The following CIZ1 variants were observed in gnomAD, a reference collection of about 807,000 sequenced individuals.
CIZ1 encodes the protein cip1-interacting zinc finger protein.
Under a neutral mutation model 118.6 loss-of-function variants are expected in CIZ1, and 58 were observed. The observed-to-expected ratio is 0.49, with a 90% CI of 0.40 to 0.61. The LOEUF is 0.61. Ranked by LOEUF, CIZ1 falls within the 20% of genes least tolerant of loss-of-function variation. CIZ1 has a pLI of 0.00. For synonymous variants in CIZ1, 448 were observed against 443.4 expected (o/e 1.01, Z -0.13); for missense variants, 921 against 1,115.9 (o/e 0.83, Z 2.49).
rs1302663753 is a variant in CIZ1, at chr9:128,191,441, C to G, written c.-15G>C. ...GCCCCCGGCCCCGCACCTCGCCTCCCCGCGCGCCCTCAACGCTCAAGTCGC... is the reference window on the plus strand; with the variant it reads ...GCCCCCGGCCCCGCACCTCGCCTCCGCGCGCGCCCTCAACGCTCAAGTCGC... On this transcript the variant is annotated 5_prime_UTR_variant, in exon 1 of 17. Coordinates refer to ENST00000372938, the MANE Select transcript of CIZ1 (RefSeq NM_001131016.2). The surrounding 1 kb of genome is among the most constrained non-coding windows in gnomAD (Gnocchi z 5.5). The G allele has an allele frequency of 4.1e-6, 4 of 972,300 alleles. No homozygotes were observed. The African/African-American group carries it at 7.0e-5, about 17-fold the overall frequency. The allele number at this position is 972,300 out of a possible 1,614,324, so 60.2% of individuals were successfully genotyped here.
At chr9:128,190,964 T>G (rs1220440590) in intron 1 of CIZ1, 102 bp from the exon 2 acceptor site, 15 of 1,430,710 alleles carry the variant, frequency 1.0e-5, no homozygotes, top group South Asian at 1.4e-5. Context: ...CCGCAGAGAC[T>G]GCTGAGGAGC....
intron 1 of CIZ1, among the ~76,000 whole-genome samples, chr9:128,200,527 G>A (rs976518823): frequency 5.3e-5 from 8 of 151,084 alleles, no homozygotes; most frequent in African/African-American, 1.2e-4. Flanking sequence ...GCACAGTGGC[G>A]AGCACCTGTA....
At position 128,166,650 on chromosome 9, in the gene CIZ1, T is replaced by C; in HGVS notation, c.2487+109A>G. On this transcript the variant is annotated intron_variant, in intron 16 of 16. Coordinates refer to ENST00000372938, the MANE Select transcript of CIZ1 (RefSeq NM_001131016.2). The surrounding 1 kb of genome is among the most constrained non-coding windows in gnomAD (Gnocchi z 4.4). ...TCCCTGTTGGTGCAGGGGTGGTGCC[T>C]GGGGATTGAGGCCCTGCACAAGAGG... is the stretch of plus-strand genomic sequence containing the variant. 7.2e-7 allele frequency: 1 copy of C among 1,396,928 alleles called. No individual in the cohort carries two copies. The highest frequency in any genetic ancestry group is 1.0e-6 in the Non-Finnish European group (1 of 995,072). 86.5% of individuals were successfully genotyped at this position (1,396,928 alleles called of 1,614,324 possible).
intron 1 of CIZ1, among the ~76,000 whole-genome samples, chr9:128,198,568 T>C (rs1289526054): frequency 6.6e-6 from 1 of 152,186 alleles, no homozygotes; most frequent in Non-Finnish European, 1.5e-5. Context: ...GCACGGTGGC[T>C]CATGCCTGTA....
At chr9:128,196,277 G>A (rs143710384), upstream of CIZ1, among the ~76,000 whole-genome samples, 110 of 152,266 alleles carry the variant, frequency 7.2e-4, 1 homozygote, top group East Asian at 0.017. Flanking sequence ...GCCAGGTGTT[G>A]TGACTCACAC....
intron 14 of CIZ1, among the ~76,000 whole-genome samples, chr9:128,167,940 C>G (rs952638410): frequency 6.6e-6 from 1 of 152,212 alleles, no homozygotes; most frequent in Non-Finnish European, 1.5e-5. Flanking sequence ...TCAGAGAGGC[C>G]AAGTGGCTTG....
intron 11 of CIZ1, among the ~76,000 whole-genome samples, chr9:128,171,223 G>C (rs994333765): frequency 5.9e-5 from 9 of 151,272 alleles, no homozygotes; most frequent in Admixed American, 3.9e-4. Context: ...CTTGAGCCTA[G>C]AAGTCCAAGA....
At chr9:128,168,076 T>C (rs1829658519) in intron 14 of CIZ1, among the ~76,000 whole-genome samples, 1 of 151,980 alleles carries the variant, frequency 6.6e-6, no homozygotes, top group Non-Finnish European at 1.5e-5. Flanking sequence ...TGCCAGAGGC[T>C]ATGAGCAGCC....
At chr9:128,184,136 T>G (rs1832046477) in intron 5 of CIZ1, among the ~76,000 whole-genome samples, 1 of 152,208 alleles carries the variant, frequency 6.6e-6, no homozygotes, top group Non-Finnish European at 1.5e-5. Flanking sequence ...TGATATGATG[T>G]TTCCTTTCCA....
chr9:128,168,050 A>C (rs1829652957), intron 14 of CIZ1, among the ~76,000 whole-genome samples: 1 of 151,804 alleles, frequency 6.6e-6, no homozygotes, highest in African/African-American at 2.4e-5. Flanking sequence ...CCAGCCCCTC[A>C]ATACCCCACT....
At chr9:128,179,872 A>G (rs892237295) in intron 7 of CIZ1, among the ~76,000 whole-genome samples, 2 of 150,558 alleles carry the variant, frequency 1.3e-5, no homozygotes, top group Non-Finnish European at 3.0e-5. Flanking sequence ...GGGTTTCTCC[A>G]TGTTGGTCAG....
At chr9:128,193,017 A>G (rs369584407), upstream of CIZ1, among the ~76,000 whole-genome samples, 1 of 152,220 alleles carries the variant, frequency 6.6e-6, no homozygotes, top group Admixed American at 6.5e-5. Context: ...CTCGGGCAGC[A>G]GAATTCGCGC....
intron 11 of CIZ1, among the ~76,000 whole-genome samples, chr9:128,175,120 T>C (rs1830698618): frequency 6.6e-6 from 1 of 152,234 alleles, no homozygotes; most frequent in Admixed American, 6.5e-5. Flanking sequence ...AGATCTATTC[T>C]TACACAAACA....
intron 1 of CIZ1, among the ~76,000 whole-genome samples, chr9:128,200,931 C>T (rs1216034212): frequency 2.6e-5 from 4 of 151,048 alleles, no homozygotes; most frequent in South Asian, 2.1e-4. Flanking sequence ...GTCAAGAGAT[C>T]GAGACCATCC....
chr9:128,191,618 C>T (rs888953072), upstream of CIZ1: 6 of 1,208,338 alleles, frequency 5.0e-6, no homozygotes, highest in Non-Finnish European at 5.1e-6. This position sits in a 1 kb window ranked among gnomAD's most constrained non-coding sequence, Gnocchi z 5.5. Context: ...CTCTGGGGGA[C>T]GGGAGGTCCA....
At chr9:128,180,174 G>A (rs1423256630) in intron 7 of CIZ1, among the ~76,000 whole-genome samples, 1 of 151,992 alleles carries the variant, frequency 6.6e-6, no homozygotes, top group East Asian at 1.9e-4. Context: ...CCCCTCCCAC[G>A]CAGCCATCCA....
chr9:128,176,608 G>T, intron 10 of CIZ1, 133 bp from the exon 11 acceptor site: 1 of 921,210 alleles, frequency 1.1e-6, no homozygotes, highest in Non-Finnish European at 1.6e-6. Context: ...TCTCTCTTGT[G>T]TAGGCTAGAG....
chr9:128,169,557 T>G, intron 12 of CIZ1, 38 bp from the exon 13 acceptor site: 1 of 1,610,530 alleles, frequency 6.2e-7, no homozygotes, highest in Non-Finnish European at 8.5e-7. Flanking sequence ...TGTCCCCAGC[T>G]GCAAGCCCCC....
In CIZ1 at chr9:128,180,784, C is replaced by T. The variant is rs1831494504; in HGVS notation, c.619G>A (p.Asp207Asn). The change falls in exon 6 of 17, where the codon GAC becomes AAC. Residue 207 changes from aspartate (D) to asparagine (N), a missense_variant. Coordinates refer to ENST00000372938, the MANE Select transcript of CIZ1 (RefSeq NM_001131016.2). ...GACCCCTCTGGGGGGTCTGACTTGT[C>T]TTCCACAGGCATTGTCTGAGAAGAA... ...DSSSQTMPVEDKSDPPEGSEE... is the reference protein window; with the variant it reads ...DSSSQTMPVENKSDPPEGSEE... The T allele has an allele frequency of 6.2e-7, 1 of 1,612,094 alleles. No individual in the cohort carries two copies. The highest frequency in any genetic ancestry group is 8.5e-7 in the Non-Finnish European group (1 of 1,179,482).
Sources: gnomAD v4.1 joint callset for allele counts (sites outside exome capture counted in the v4.1 genomes callset) on GRCh38, gnomAD v4.1.1 for gene constraint, Gnocchi (gnomAD v3.1) non-coding constraint, MANE v1.5 for transcripts, NCBI Gene and HGNC (gene_info 2026-07-23, HGNC 2026-07-21) for gene names.